CTNNA3: variants seen among roughly 807,000 people sequenced by gnomAD.
CTNNA3 encodes catenin alpha 3.
In CTNNA3, 76 loss-of-function variants were observed where a neutral mutation model predicts 95.7. The observed-to-expected ratio is 0.79, with a 90% confidence interval of 0.66 to 0.96. CTNNA3 has a LOEUF of 0.96. Among genes scored for constraint, CTNNA3 ranks in the 40% least tolerant of loss-of-function variants. The probability of loss-of-function intolerance (pLI) is 0.00; values close to 1 mark genes in which losing one functional copy is unlikely to be tolerated. For missense variants in CTNNA3, 1,191 were observed against 1,089.8 expected (o/e 1.09, Z -1.31); for synonymous variants, 431 against 374.4 (o/e 1.15, Z -1.74).
chr10:66,425,673 A>G (rs2132647694), intron 11 of CTNNA3, among the ~76,000 whole-genome samples: 1 of 133,492 alleles, frequency 7.5e-6, no homozygotes, highest in South Asian at 2.7e-4. Flanking sequence ...TCTTCATATA[A>G]AGATATATAT....
chr10:66,134,402 T>A (rs1187956352), intron 13 of CTNNA3, among the ~76,000 whole-genome samples: 1 of 152,146 alleles, frequency 6.6e-6, no homozygotes, highest in East Asian at 1.9e-4. Context: ...GTATGAGAAG[T>A]TCATTATTTG....
In CTNNA3 at chr10:66,132,673, A is replaced by G. The variant is rs555238677; in HGVS notation, c.1885-29424T>C. On this transcript the variant is annotated intron_variant, in intron 13 of 17. Transcript: ENST00000433211. ...TAAATGCTCATCAATGACAGATTTA[A>G]TAAAGAAAATGCAGTACATATACAC... 6.4e-4 allele frequency among the ~76,000 whole-genome samples: 97 copies of G among 152,376 alleles called. 1 individual carries two copies. Among genetic ancestry groups the G allele is most frequent in the African/African-American group, 2.2e-3 (92 of 41,596 alleles).
At chr10:66,188,595 C>CTG (rs71035114) in intron 13 of CTNNA3, among the ~76,000 whole-genome samples, 10,690 of 120,878 alleles carry the variant, frequency 0.088, 555 homozygotes, top group African/African-American at 0.15. Context: ...GGGGGGGTCT[C>CTG]TGTGTGTGTG....
At chr10:67,301,499 G>GGTAT (rs1450555775) in intron 5 of CTNNA3, among the ~76,000 whole-genome samples, 2 of 151,940 alleles carry the variant, frequency 1.3e-5, no homozygotes, top group African/African-American at 4.8e-5. Context: ...CCCACTACTG[G>GGTAT]GTATGTATTC....
intron 1 of CTNNA3, chr10:67,750,251 T>C: frequency 1.3e-6 from 2 of 1,489,032 alleles, no homozygotes; most frequent in Non-Finnish European, 1.9e-6. Context: ...GTGAGACTTC[T>C]AGTGCTCACT....
intron 5 of CTNNA3, among the ~76,000 whole-genome samples, chr10:67,302,034 AGAAAGAAAGAAAGAAAG>A (rs1840331140): frequency 1.4e-5 from 1 of 73,312 alleles, no homozygotes; most frequent in Non-Finnish European, 2.4e-5. Flanking sequence ...AAAGAAAGAA[AGAAAGAAAGAAAGAAAG>A]AAAGAAAGAA....
At chr10:65,929,592 A>G (rs1173268451) in intron 17 of CTNNA3, among the ~76,000 whole-genome samples, 1 of 149,598 alleles carries the variant, frequency 6.7e-6, no homozygotes, top group South Asian at 2.1e-4. Flanking sequence ...TTTTGGAGAC[A>G]GAGTCTCCCT....
At chr10:67,201,404 G>A (rs1257661739) in intron 6 of CTNNA3, among the ~76,000 whole-genome samples, 1 of 152,110 alleles carries the variant, frequency 6.6e-6, no homozygotes, top group African/African-American at 2.4e-5. Context: ...TTGGCTTATA[G>A]TAGGCTTGGA....
chr10:65,961,246 AC>A (rs1454747151), intron 17 of CTNNA3, among the ~76,000 whole-genome samples: 1 of 151,866 alleles, frequency 6.6e-6, no homozygotes, highest in Non-Finnish European at 1.5e-5. Flanking sequence ...TCAACTTCAA[AC>A]TTTTGGAAAA....
chr10:66,138,003 ATATC>A (rs1456559090), intron 13 of CTNNA3, among the ~76,000 whole-genome samples: 1 of 151,896 alleles, frequency 6.6e-6, no homozygotes, highest in African/African-American at 2.4e-5. Context: ...TAAATGATAT[ATATC>A]TATATAGAGA....
chr10:67,338,835 G>T (rs946955693), intron 5 of CTNNA3, among the ~76,000 whole-genome samples: 6 of 152,110 alleles, frequency 3.9e-5, no homozygotes, highest in African/African-American at 1.4e-4. Context: ...CAGTCTTTTC[G>T]ATGTCAACAT....
At chr10:66,378,278 C>T (rs1158616567) in intron 12 of CTNNA3, among the ~76,000 whole-genome samples, 1 of 152,202 alleles carries the variant, frequency 6.6e-6, no homozygotes, top group African/African-American at 2.4e-5. Flanking sequence ...TTTCATATTC[C>T]ATATGCATAA....
At chr10:67,546,121 T>C (rs940854753) in intron 3 of CTNNA3, among the ~76,000 whole-genome samples, 7 of 152,170 alleles carry the variant, frequency 4.6e-5, no homozygotes, top group African/African-American at 1.4e-4. Context: ...AGTAATTTCA[T>C]GTCATATTTA....
chr10:67,129,997 T>C (rs1859913925), intron 7 of CTNNA3, among the ~76,000 whole-genome samples: 1 of 152,226 alleles, frequency 6.6e-6, no homozygotes, highest in South Asian at 2.1e-4. Context: ...TTCTGATATA[T>C]AAAATGAAAA....
chr10:66,077,156 G>A (rs187723729), intron 14 of CTNNA3, among the ~76,000 whole-genome samples: 2 of 151,628 alleles, frequency 1.3e-5, no homozygotes, highest in Non-Finnish European at 3.0e-5. Flanking sequence ...GAAATATTTA[G>A]ATATAAAATG....
At chr10:65,974,398 T>C (rs2078169484) in intron 16 of CTNNA3, among the ~76,000 whole-genome samples, 1 of 152,112 alleles carries the variant, frequency 6.6e-6, no homozygotes. Context: ...CACCATGGAA[T>C]AACAGCCATA....
chr10:66,301,702 A>T (rs1351797529), intron 12 of CTNNA3, among the ~76,000 whole-genome samples: 3 of 151,984 alleles, frequency 2.0e-5, no homozygotes, highest in Non-Finnish European at 4.4e-5. Flanking sequence ...CAAAGTAGGA[A>T]TAGAAGGGAC....
At chr10:67,072,770 AT>A (rs527434854) in intron 7 of CTNNA3, among the ~76,000 whole-genome samples, 51 of 152,320 alleles carry the variant, frequency 3.3e-4, no homozygotes, top group Admixed American at 1.2e-3. Flanking sequence ...CAGCTACAAA[AT>A]TTGGTAAATA....
chr10:65,916,126 GA>G lies in CTNNA3; in HGVS notation c.*4203del, dbSNP rs1368406498. 4 of 151,774 alleles carry G rather than the reference GA, an allele frequency of 2.6e-5. No individual in the cohort carries two copies. Among genetic ancestry groups the G allele is most frequent in the East Asian group, 1.9e-4 (1 of 5,168 alleles). 9.4% of individuals were successfully genotyped at this position (151,774 alleles called of 1,614,324 possible). On this transcript the variant is annotated 3_prime_UTR_variant, in exon 18 of 18. Transcript: ENST00000433211. ...AATGGTATGGGAAAAGAGTCATAAA[GA>G]AAAAAATGGAATTTTCATATAAATA...
Sources: gnomAD v4.1 joint callset for allele counts (sites outside exome capture counted in the v4.1 genomes callset) on GRCh38, gnomAD v4.1.1 for gene constraint, MANE v1.5 for transcripts, NCBI Gene and HGNC (gene_info 2026-07-23, HGNC 2026-07-21) for gene names.